Variants in STYX observed in about 807,000 individuals in gnomAD.
STYX encodes serine/threonine/tyrosine-interacting protein.
A neutral mutation model predicts 42.7 loss-of-function variants in STYX; 20 were observed. The observed-to-expected ratio is 0.47, with a 90% CI of 0.33 to 0.68. STYX has a LOEUF of 0.68. STYX is among the 30% of genes least tolerant of loss of function. The pLI, the probability that STYX is intolerant of heterozygous loss-of-function variation, is 0.02. For synonymous variants in STYX, 78 were observed against 81.9 expected, an observed-to-expected ratio of 0.95 and a Z score of 0.26; for missense variants, 226 against 268.5, an observed-to-expected ratio of 0.84 and a Z score of 1.11.
At chr14:52,750,601 T>A in intron 3 of STYX, 82 bp from the exon 4 acceptor site, 1 of 917,160 alleles carries the variant, frequency 1.1e-6, no homozygotes, top group East Asian at 2.7e-5. Flanking sequence ...TTTTCAAACA[T>A]CTGTGTTATA....
chr14:52,745,655 T>C (rs1369382583), intron 2 of STYX, among the ~76,000 whole-genome samples: 1 of 152,238 alleles, frequency 6.6e-6, no homozygotes, highest in Non-Finnish European at 1.5e-5. Context: ...AATTAAACGA[T>C]AGCTAACCCT....
intron 9 of STYX, among the ~76,000 whole-genome samples, chr14:52,760,202 T>TA (rs1447271754): frequency 1.3e-5 from 2 of 151,638 alleles, no homozygotes; most frequent in African/African-American, 4.9e-5. Flanking sequence ...ACCCCATCCC[T>TA]AAAAAATTAA....
At position 52,734,442 on chromosome 14, in the gene STYX, T is replaced by C. The variant is rs1880866111; in HGVS notation, c.57+3911T>C. On this transcript the variant is annotated intron_variant, in intron 1 of 10. Transcript: ENST00000354586. ...GTGTGTGAGGCTGAGAGTTCAACCC[T>C]CTTGTCACATGGTCTTTCTGGTGAC... is the stretch of plus-strand genomic sequence containing the variant. 2.0e-5 allele frequency among the ~76,000 whole-genome samples: 3 copies of C among 152,194 alleles called. No homozygotes were observed. The South Asian group carries it at 6.2e-4, about 31-fold the overall frequency.
intron 8 of STYX, among the ~76,000 whole-genome samples, chr14:52,758,473 C>T (rs946514432): frequency 1.3e-5 from 2 of 152,158 alleles, no homozygotes; most frequent in African/African-American, 4.8e-5. Context: ...TTATAGTAAT[C>T]ATTGACACAT....
chr14:52,739,875 C>G (rs558891661), intron 1 of STYX, among the ~76,000 whole-genome samples: 31 of 152,154 alleles, frequency 2.0e-4, no homozygotes, highest in Non-Finnish European at 4.0e-4. Context: ...AACTCGGGCT[C>G]AAGCTATCCT....
intron 1 of STYX, among the ~76,000 whole-genome samples, chr14:52,739,632 CTT>C (rs58454717): frequency 0.016 from 1,035 of 65,760 alleles, 2 homozygotes; most frequent in Middle Eastern, 0.042. Context: ...TCCTTTCTTT[CTT>C]TTTTTTTTTT....
chr14:52,752,537 A>AAGATACAT (rs1881661773), intron 4 of STYX, among the ~76,000 whole-genome samples: 1 of 152,224 alleles, frequency 6.6e-6, no homozygotes, highest in African/African-American at 2.4e-5. Flanking sequence ...CTGTAAATAC[A>AAGATACAT]AGATACATAC....
chr14:52,769,918 C>T (rs990995244), intron 10 of STYX, among the ~76,000 whole-genome samples: 1 of 152,052 alleles, frequency 6.6e-6, no homozygotes, highest in Non-Finnish European at 1.5e-5. Flanking sequence ...TTATAGAATG[C>T]CATATGCCCT....
Position 52,730,465 on chromosome 14 carries a change from G to A in STYX, c.-10G>A. 6.2e-7 allele frequency: 1 copy of A among 1,613,456 alleles called. No individual in the cohort carries two copies. Among genetic ancestry groups the A allele is most frequent in the Non-Finnish European group, 8.5e-7 (1 of 1,179,776 alleles). On this transcript the variant is annotated 5_prime_UTR_variant, in exon 1 of 11. Transcript: ENST00000354586. ...CTCCCACCCCACCCACCAGCCCGCG[G>A]GCCAGCACCATGGAGGACGTGAAGC...
At chr14:52,763,621 T>G (rs1313724320) in intron 9 of STYX, among the ~76,000 whole-genome samples, 1 of 152,168 alleles carries the variant, frequency 6.6e-6, no homozygotes, top group Non-Finnish European at 1.5e-5. Context: ...TTTTATTGTA[T>G]AGGTGACTGG....
Position 52,730,238 on chromosome 14 carries a change from G to A in STYX, c.-237G>A. On this transcript the variant is annotated 5_prime_UTR_variant, in exon 1 of 11. Transcript: ENST00000354586. ...ACGGAGACTCTGGGGGAGGGAGACG[G>A]CAGCGGCATGGCGGCCGGGTGTAAG... 1.8e-6 allele frequency: 1 copy of A among 569,442 alleles called. No individual in the cohort carries two copies. The highest frequency in any genetic ancestry group is 3.1e-6 in the Non-Finnish European group (1 of 318,602). The allele number at this position is 569,442 out of a possible 1,614,324, so 35.3% of individuals were successfully genotyped here.
intron 5 of STYX, 28 bp from the exon 6 acceptor site, chr14:52,757,291 C>T: frequency 1.3e-6 from 2 of 1,579,674 alleles, no homozygotes; most frequent in East Asian, 2.3e-5. Context: ...TTTATGCTTA[C>T]ATTAATCCAC....
intron 9 of STYX, among the ~76,000 whole-genome samples, chr14:52,762,068 T>G (rs1882116674): frequency 6.7e-6 from 1 of 150,372 alleles, no homozygotes; most frequent in South Asian, 2.1e-4. Context: ...AAAATAGAGA[T>G]AGGGTTTTGC....
intron 3 of STYX, among the ~76,000 whole-genome samples, chr14:52,748,633 C>G (rs1881483407): frequency 6.6e-6 from 1 of 152,106 alleles, no homozygotes; most frequent in African/African-American, 2.4e-5. Context: ...CTGAAAAGTA[C>G]AAAATCTATT....
intron 3 of STYX, among the ~76,000 whole-genome samples, chr14:52,749,671 A>G (rs900684134): frequency 6.6e-6 from 1 of 152,246 alleles, no homozygotes; most frequent in Admixed American, 6.5e-5. Context: ...AATAACATCT[A>G]TAAACTCACT....
intron 4 of STYX, among the ~76,000 whole-genome samples, chr14:52,752,714 A>G (rs1244962909): frequency 1.3e-5 from 2 of 152,052 alleles, no homozygotes; most frequent in East Asian, 3.9e-4. Context: ...GTAAATATAT[A>G]TATACTACAT....
intron 1 of STYX, among the ~76,000 whole-genome samples, chr14:52,738,627 A>T (rs117699803): frequency 1.3e-5 from 2 of 152,160 alleles, no homozygotes; most frequent in African/African-American, 4.8e-5. Context: ...AGGAAATGCC[A>T]CTCCAAAATA....
intron 2 of STYX, 117 bp from the exon 3 acceptor site, chr14:52,746,309 C>G (rs1881394873): frequency 3.1e-6 from 2 of 650,646 alleles, no homozygotes; most frequent in South Asian, 2.4e-5. Context: ...GATAATAGTT[C>G]CAATCTTGTT....
chr14:52,741,592 C>T (rs1038477662), intron 1 of STYX, among the ~76,000 whole-genome samples: 13 of 151,992 alleles, frequency 8.6e-5, no homozygotes, highest in Non-Finnish European at 1.6e-4. Flanking sequence ...CGTGCCACCT[C>T]CATGCCTGGC....
Sources: allele counts gnomAD v4.1 joint callset (sites outside exome capture counted in the v4.1 genomes callset), GRCh38; gene constraint gnomAD v4.1.1; transcripts MANE v1.5; gene names NCBI Gene and HGNC (gene_info 2026-07-23, HGNC 2026-07-21).